The following PROSER2 variants were observed in gnomAD, a reference collection of about 807,000 sequenced individuals.
The protein encoded by PROSER2 is proline and serine-rich protein 2.
A neutral mutation model predicts 14.6 loss-of-function variants in PROSER2; 18 were observed. The ratio of observed to expected loss-of-function variants is 1.23; its 90% CI spans 0.85 to 1.83. The LOEUF is 1.83. Among genes scored for constraint, PROSER2 ranks in the 40% most tolerant of loss-of-function variants. The probability of loss-of-function intolerance (pLI) is 0.00; values close to 1 mark genes in which losing one functional copy is unlikely to be tolerated. For synonymous variants in PROSER2, 367 were observed against 286.4 expected, an observed-to-expected ratio of 1.28 and a Z score of -2.84; for missense variants, 823 against 629.8, an observed-to-expected ratio of 1.31 and a Z score of -3.28.
chr10:11,852,231 T>A lies in PROSER2; in HGVS notation c.138+16T>A. 6.3e-7 allele frequency: 1 copy of A among 1,593,404 alleles called. No individual in the cohort carries two copies. Among genetic ancestry groups the A allele is most frequent in the Non-Finnish European group, 8.6e-7 (1 of 1,167,436 alleles). The stretch of plus-strand genomic sequence containing the variant: ...CTTCACTTTGGTGAGTGACAGTTTT[T>A]CTTTCATGCTTTCCTGTGCCTGGGT... On this transcript the variant is annotated intron_variant, in intron 2 of 3. Transcript: ENST00000277570.
rs570354702 is a variant in PROSER2, at chr10:11,857,574, G to A, written c.138+5359G>A. On this transcript the variant is annotated intron_variant, in intron 2 of 3. Coordinates refer to ENST00000277570, the MANE Select transcript of PROSER2 (RefSeq NM_153256.4). Reference sequence around the variant, plus strand: ...AGCCTGGCCAACATGGTGAAACTCCGTCTCTACGAAAAATACAAAAATTAG... The same window carrying A: ...AGCCTGGCCAACATGGTGAAACTCCATCTCTACGAAAAATACAAAAATTAG... Among the ~76,000 whole-genome samples, 278 of 151,940 alleles carry A rather than the reference G, an allele frequency of 1.8e-3. 2 individuals carry two copies. The highest frequency in any genetic ancestry group is 2.0e-3 in the African/African-American group (81 of 41,448).
chr10:11,869,582 C>T lies in PROSER2; in HGVS notation c.484C>T (p.Pro162Ser), dbSNP rs764646756. The change falls in exon 4 of 4, where the codon CCA becomes TCA. Residue 162 changes from proline to serine, a missense_variant. Pro to Ser is a moderately conservative substitution (Grantham distance 74). Coordinates refer to ENST00000277570, the MANE Select transcript of PROSER2 (RefSeq NM_153256.4). The surrounding 1 kb of genome is among the most constrained non-coding windows in gnomAD (Gnocchi z 4.4). Reference protein sequence around the residue: ...PPAPETLLAPPPLPSTPDPPR... With the variant: ...PPAPETLLAPSPLPSTPDPPR... ...GGCTCCCGAGACCCTTCTTGCGCCACCACCCCTGCCTAGCACCCCCGATCC... is the reference window on the plus strand; with the variant it reads ...GGCTCCCGAGACCCTTCTTGCGCCATCACCCCTGCCTAGCACCCCCGATCC... The T allele has an allele frequency of 1.2e-6, 2 of 1,609,284 alleles. No homozygotes were observed. The highest frequency in any genetic ancestry group is 1.7e-6 in the Non-Finnish European group (2 of 1,176,306).
chr10:11,835,223 C>T (rs1352454095), intron 1 of PROSER2, among the ~76,000 whole-genome samples: 1 of 152,028 alleles, frequency 6.6e-6, no homozygotes, highest in Admixed American at 6.6e-5. Context: ...GAAGAAAACG[C>T]TCTAGGAGCC....
chr10:11,857,066 C>T (rs1327347078), intron 2 of PROSER2, among the ~76,000 whole-genome samples: 2 of 152,142 alleles, frequency 1.3e-5, no homozygotes, highest in African/African-American at 4.8e-5. Flanking sequence ...TACATGCCTA[C>T]TGCATATAAG....
rs1208479852 is a variant in PROSER2, at chr10:11,866,011, G to A, written c.139-520G>A. Among the ~76,000 whole-genome samples the A allele has an allele frequency of 1.3e-5, 2 of 152,134 alleles. No homozygotes were observed. The highest frequency in any genetic ancestry group is 1.9e-4 in the East Asian group (1 of 5,164). On this transcript the variant is annotated intron_variant, in intron 2 of 3. Coordinates refer to ENST00000277570, the MANE Select transcript of PROSER2 (RefSeq NM_153256.4). This position sits in a 1 kb window ranked among gnomAD's most constrained non-coding sequence, Gnocchi z 6.0. The stretch of plus-strand genomic sequence containing the variant: ...CCTGCTCTCCGGCTGCCCTGCTTTT[G>A]GCTGTTGGATTCTTCAGGTTCCCCA...
chr10:11,869,705 G>A lies in PROSER2; in HGVS notation c.607G>A (p.Glu203Lys), dbSNP rs2147439. ...TPLVMAQKIS[E>K]RMAGNEALSP... is the part of the protein sequence containing the mutation. ...CCTCGTTATGGCGCAGAAGATTTCC[G>A]AGAGGATGGCGGGGAACGAAGCCCT... Residue 203 changes from glutamate (E) to lysine (K), a missense_variant, in exon 4 of 4, where the codon GAG becomes AAG. Transcript: ENST00000277570. This position sits in a 1 kb window ranked among gnomAD's most constrained non-coding sequence, Gnocchi z 4.4. 17,984 of 1,596,196 alleles carry A rather than the reference G, an allele frequency of 0.011. 109 individuals carry two copies. Among genetic ancestry groups the A allele is most frequent in the Non-Finnish European group, 0.013 (15,188 of 1,172,154 alleles).
intron 1 of PROSER2, among the ~76,000 whole-genome samples, chr10:11,848,309 C>T (rs1833956181): frequency 6.6e-6 from 1 of 152,188 alleles, no homozygotes; most frequent in African/African-American, 2.4e-5. Context: ...GCTGGAATTA[C>T]AGGCACCTGC....
intron 2 of PROSER2, among the ~76,000 whole-genome samples, chr10:11,863,219 T>TTGGA (rs1834277654): frequency 6.6e-6 from 1 of 152,182 alleles, no homozygotes; most frequent in South Asian, 2.1e-4. Context: ...TGTACTATGC[T>TTGGA]TTCAACTATA....
At position 11,872,206 on chromosome 10, in the gene PROSER2, C is replaced by T. The variant is rs1252670477; in HGVS notation, c.*1800C>T. The T allele has an allele frequency of 6.6e-6, 1 of 152,214 alleles. No individual in the cohort carries two copies. Among genetic ancestry groups the T allele is most frequent in the Non-Finnish European group, 1.5e-5 (1 of 68,048 alleles). The allele number at this position is 152,214 out of a possible 1,614,324, so 9.4% of individuals were successfully genotyped here. On this transcript the variant is annotated 3_prime_UTR_variant, in exon 4 of 4. Coordinates refer to ENST00000277570, the MANE Select transcript of PROSER2 (RefSeq NM_153256.4). ...ATGATTTCACTGTGAGTAGGGTGAA[C>T]TGGACTGCATATTAGTTTATTTGTT...
chr10:11,849,146 C>A (rs1833974155), intron 1 of PROSER2, among the ~76,000 whole-genome samples: 1 of 152,014 alleles, frequency 6.6e-6, no homozygotes, highest in Non-Finnish European at 1.5e-5. Context: ...GAGATTGCAA[C>A]ATTGCACTCC....
At chr10:11,844,517 G>A (rs1026942697) in intron 1 of PROSER2, among the ~76,000 whole-genome samples, 4 of 151,838 alleles carry the variant, frequency 2.6e-5, no homozygotes, top group South Asian at 4.2e-4. Flanking sequence ...GTAATCTCTT[G>A]GTTTTACACA....
intron 2 of PROSER2, among the ~76,000 whole-genome samples, chr10:11,860,635 T>G (rs2131083983): frequency 6.6e-6 from 1 of 150,982 alleles, no homozygotes; most frequent in Middle Eastern, 3.4e-3. Context: ...GAAAATGGAT[T>G]TTTGTCTCAT....
rs1473594793 is a variant in PROSER2 at position 11,869,230 on chromosome 10, C to T, written c.392-260C>T. On this transcript the variant is annotated intron_variant, in intron 3 of 3. Coordinates refer to ENST00000277570, the MANE Select transcript of PROSER2 (RefSeq NM_153256.4). This position sits in a 1 kb window ranked among gnomAD's most constrained non-coding sequence, Gnocchi z 4.4. ...CTGGAGCCTCAGCAGCCCACATGGA[C>T]GGAATGTCTCCTAGGTGTGGACTGT... 3.6e-6 allele frequency: 2 copies of T among 551,886 alleles called. No homozygotes were observed. The highest frequency in any genetic ancestry group is 2.1e-5 in the South Asian group (1 of 46,982). 34.2% of individuals were successfully genotyped at this position (551,886 alleles called of 1,614,324 possible). A position where few individuals can be genotyped will look rare whatever the true frequency, so the allele number is the denominator to read the frequency against.
chr10:11,853,397 G>A lies in PROSER2; in HGVS notation c.138+1182G>A, dbSNP rs966151290. 2.6e-5 allele frequency among the ~76,000 whole-genome samples: 4 copies of A among 152,180 alleles called. No homozygotes were observed. The East Asian group carries it at 7.7e-4, about 29-fold the overall frequency. ...GAGGTCAGGAGTTTGAGAACAGCCT[G>A]GCCAACATGGTGAAACCCCGTCTCT... On this transcript the variant is annotated intron_variant, in intron 2 of 3. Coordinates refer to ENST00000277570, the MANE Select transcript of PROSER2 (RefSeq NM_153256.4).
At position 11,859,753 on chromosome 10, in the gene PROSER2, A is replaced by G. The variant is rs139750214; in HGVS notation, c.139-6778A>G. 4.9e-4 allele frequency among the ~76,000 whole-genome samples: 74 copies of G among 152,342 alleles called. 1 individual carries two copies. Among genetic ancestry groups the G allele is most frequent in the African/African-American group, 1.7e-3 (71 of 41,586 alleles). Reference sequence around the variant, plus strand: ...AGCTTTATCGGGATACAAGTCACATAGCATACAGTTCACCCATGTAAAGTA... The same window carrying G: ...AGCTTTATCGGGATACAAGTCACATGGCATACAGTTCACCCATGTAAAGTA... On this transcript the variant is annotated intron_variant, in intron 2 of 3. Transcript: ENST00000277570.
intron 1 of PROSER2, chr10:11,851,748 A>T (rs1157448102): frequency 6.0e-6 from 1 of 168,032 alleles, no homozygotes; most frequent in Non-Finnish European, 1.3e-5. Context: ...ACATAGCAAG[A>T]CTCTATCTCT....
Position 11,870,211 on chromosome 10 carries a change from C to G in PROSER2, c.1113C>G (p.Gly371=), listed in dbSNP as rs1834452383. 8.1e-6 allele frequency: 12 copies of G among 1,489,442 alleles called. No individual in the cohort carries two copies. The highest frequency in any genetic ancestry group is 1.5e-5 in the African/African-American group (1 of 68,318). 92.3% of individuals were successfully genotyped at this position (1,489,442 alleles called of 1,614,324 possible). A position where few individuals can be genotyped will look rare whatever the true frequency, so the allele number is the denominator to read the frequency against. ...GGAAGTCCCTCTGCTTCCGCCCTGG[C>G]CCGGCCCTGCCCAGCACGCGGGCCC... ...PAGKSLCFRP[G]PALPSTRARQ... is the part of the protein sequence containing the mutation. Residue 371 remains glycine, a synonymous_variant, in exon 4 of 4, where the codon GGC becomes GGG. Coordinates refer to ENST00000277570, the MANE Select transcript of PROSER2 (RefSeq NM_153256.4).
chr10:11,867,875 A>G (rs1435685391), intron 3 of PROSER2, among the ~76,000 whole-genome samples: 1 of 152,196 alleles, frequency 6.6e-6, no homozygotes, highest in Non-Finnish European at 1.5e-5. Flanking sequence ...CTGAAAACAA[A>G]TGTGGCCAAG....
Position 11,861,361 on chromosome 10 carries a change from C to T in PROSER2, c.139-5170C>T, listed in dbSNP as rs116228980. Among the ~76,000 whole-genome samples, 510 of 152,258 alleles carry T rather than the reference C, an allele frequency of 3.3e-3. 4 individuals are homozygous for T. Among genetic ancestry groups the T allele is most frequent in the African/African-American group, 0.012 (488 of 41,554 alleles). The stretch of plus-strand genomic sequence containing the variant: ...CAGGCTCACCTTGTCATAGGAGTTC[C>T]ACACTCTAGGGCAGTTGCTGATCTT... On this transcript the variant is annotated intron_variant, in intron 2 of 3. Coordinates refer to ENST00000277570, the MANE Select transcript of PROSER2 (RefSeq NM_153256.4).
Sources: gnomAD v4.1 joint callset for allele counts (sites outside exome capture counted in the v4.1 genomes callset) on GRCh38, gnomAD v4.1.1 for gene constraint, Gnocchi (gnomAD v3.1) non-coding constraint, MANE v1.5 for transcripts, NCBI Gene and HGNC (gene_info 2026-07-23, HGNC 2026-07-21) for gene names.